Variants in PARD3 observed in about 807,000 individuals in gnomAD.
PARD3 encodes par-3 family cell polarity regulator, also known as partitioning defective 3 homolog.
A neutral mutation model predicts 155.4 loss-of-function variants in PARD3; 75 were observed. That is an observed-to-expected ratio of 0.48 (90% CI 0.40 to 0.58). The LOEUF (loss-of-function observed/expected upper bound fraction) is 0.58. PARD3 is among the 20% of genes least tolerant of loss of function. The pLI is 0.00. For synonymous variants in PARD3, 576 were observed against 610.5 expected (o/e 0.94, Z 0.83); for missense variants, 1,642 against 1,721.7 (o/e 0.95, Z 0.82).
At chr10:34,162,876 C>A (rs190772666) in intron 22 of PARD3, among the ~76,000 whole-genome samples, 29 of 152,246 alleles carry the variant, frequency 1.9e-4, no homozygotes, top group African/African-American at 6.7e-4. Context: ...AGAATTCAGA[C>A]CCACTCCCTC....
At chr10:34,729,901 G>A (rs547966870) in intron 1 of PARD3, among the ~76,000 whole-genome samples, 96 of 152,222 alleles carry the variant, frequency 6.3e-4, no homozygotes, top group Non-Finnish European at 1.1e-3. Flanking sequence ...GAAAGAGAAG[G>A]AAAGATCCTT....
chr10:34,479,487 C>G (rs1203937230), intron 3 of PARD3, among the ~76,000 whole-genome samples: 1 of 152,070 alleles, frequency 6.6e-6, no homozygotes, highest in Non-Finnish European at 1.5e-5. Flanking sequence ...TTTTAAAGCA[C>G]AAAGAGTTAA....
intron 20 of PARD3, among the ~76,000 whole-genome samples, chr10:34,311,750 T>C (rs11009727): frequency 0.6 from 90,466 of 151,818 alleles, 28,908 homozygotes; most frequent in African/African-American, 0.85. Context: ...ACCACCCCCC[T>C]GCCAACCACC....
At chr10:34,274,220 C>G (rs1455282707) in intron 21 of PARD3, among the ~76,000 whole-genome samples, 1 of 152,154 alleles carries the variant, frequency 6.6e-6, no homozygotes, top group South Asian at 2.1e-4. Context: ...GAAACAGCAA[C>G]TCAAATTCTA....
At chr10:34,762,527 T>C (rs1223718901) in intron 1 of PARD3, among the ~76,000 whole-genome samples, 1 of 150,062 alleles carries the variant, frequency 6.7e-6, no homozygotes, top group Non-Finnish European at 1.5e-5. Flanking sequence ...CAGGCTGGTC[T>C]TGAACTCCCG....
At chr10:34,163,445 T>A (rs562454434) in intron 22 of PARD3, among the ~76,000 whole-genome samples, 101 of 152,240 alleles carry the variant, frequency 6.6e-4, no homozygotes, top group Non-Finnish European at 1.2e-3. Flanking sequence ...AATGTTGTAG[T>A]TAAATAGAAA....
chr10:34,807,575 A>G (rs1244954899), intron 1 of PARD3, among the ~76,000 whole-genome samples: 2 of 151,876 alleles, frequency 1.3e-5, no homozygotes, highest in African/African-American at 4.8e-5. Context: ...AGAGCTACCC[A>G]CTCTGGTCAT....
At chr10:34,353,033 C>T (rs1484659313) in intron 14 of PARD3, among the ~76,000 whole-genome samples, 4 of 150,878 alleles carry the variant, frequency 2.7e-5, no homozygotes, top group Admixed American at 1.3e-4. Context: ...TCTGCCCGGC[C>T]GCCCCGTCTG....
At chr10:34,779,884 G>A (rs1840046603) in intron 1 of PARD3, among the ~76,000 whole-genome samples, 1 of 152,190 alleles carries the variant, frequency 6.6e-6, no homozygotes, top group African/African-American at 2.4e-5. Context: ...CTATACACAG[G>A]CAAATTCCTT....
intron 3 of PARD3, among the ~76,000 whole-genome samples, chr10:34,498,246 CATTT>C (rs72374571): frequency 0.031 from 4,656 of 152,212 alleles, 234 homozygotes; most frequent in African/African-American, 0.11. Context: ...TTCTCAGCTT[CATTT>C]GATTAATAAT....
chr10:34,666,774 C>CAAT (rs2093480211), intron 2 of PARD3, among the ~76,000 whole-genome samples: 1 of 3,652 alleles, frequency 2.7e-4, no homozygotes, highest in African/African-American at 3.4e-4. Flanking sequence ...CTACCCCTCC[C>CAAT]CCTAAAAAAA....
chr10:34,567,153 G>A (rs961626817), intron 2 of PARD3, among the ~76,000 whole-genome samples: 38 of 152,266 alleles, frequency 2.5e-4, no homozygotes, highest in African/African-American at 9.1e-4. Flanking sequence ...AGATCTTGTT[G>A]AGCCAACCAT....
chr10:34,678,152 C>T (rs1236993178), intron 2 of PARD3, among the ~76,000 whole-genome samples: 1 of 152,080 alleles, frequency 6.6e-6, no homozygotes, highest in Non-Finnish European at 1.5e-5. Context: ...CGGCTCACTG[C>T]AGCCTCAACC....
chr10:34,616,300 G>A (rs1384345179), intron 2 of PARD3, among the ~76,000 whole-genome samples: 6 of 152,144 alleles, frequency 3.9e-5, no homozygotes, highest in South Asian at 4.2e-4. Flanking sequence ...CTGGGTGACA[G>A]GGTGAGACTC....
At chr10:34,410,675 T>G (rs758608761) in intron 5 of PARD3, among the ~76,000 whole-genome samples, 2 of 152,240 alleles carry the variant, frequency 1.3e-5, no homozygotes, top group Non-Finnish European at 2.9e-5. Flanking sequence ...ATTTTCTGTG[T>G]TGGGACACAA....
intron 2 of PARD3, among the ~76,000 whole-genome samples, chr10:34,542,235 G>GTACT (rs1350189749): frequency 0.16 from 26 of 166 alleles, no homozygotes; most frequent in African/African-American, 0.19. Context: ...GTGTGTGTGT[G>GTACT]TGTGCACACA....
chr10:34,265,731 T>G (rs919234620), intron 22 of PARD3, among the ~76,000 whole-genome samples: 3 of 152,234 alleles, frequency 2.0e-5, no homozygotes, highest in Admixed American at 6.5e-5. Context: ...GCGTGTCATT[T>G]CACTGTCTGA....
At chr10:34,740,797 T>TA (rs1564567843) in intron 1 of PARD3, among the ~76,000 whole-genome samples, 2 of 152,114 alleles carry the variant, frequency 1.3e-5, no homozygotes, top group Non-Finnish European at 1.5e-5. Context: ...CTTCACAGCA[T>TA]AAAAAAATTG....
Position 34,361,474 on chromosome 10 carries a change from T to C in PARD3, c.1708-1215A>G, listed in dbSNP as rs142010965. ...CAATAACACAAAAAAAGTAGGTGAC[T>C]GCATCCTACCAAATTTTTAAAATGT... On this transcript the variant is annotated intron_variant, in intron 12 of 24. Transcript: ENST00000374788. Among the ~76,000 whole-genome samples, 1,386 of 152,340 alleles carry C rather than the reference T, an allele frequency of 9.1e-3. 19 individuals are homozygous for C. The highest frequency in any genetic ancestry group is 0.032 in the African/African-American group (1,316 of 41,588).
Sources: allele counts gnomAD v4.1 joint callset (sites outside exome capture counted in the v4.1 genomes callset), GRCh38; gene constraint gnomAD v4.1.1; transcripts MANE v1.5; gene names NCBI Gene and HGNC (gene_info 2026-07-23, HGNC 2026-07-21).